PDE8B: variants seen among roughly 807,000 people sequenced by gnomAD.
PDE8B encodes the protein phosphodiesterase 8B, also known as high affinity cAMP-specific and IBMX-insensitive 3',5'-cyclic phosphodiesterase 8B.
In PDE8B, 26 loss-of-function variants were observed where a neutral mutation model predicts 101.3. The ratio of observed to expected loss-of-function variants is 0.26; its 90% CI spans 0.19 to 0.36. The LOEUF is 0.36. PDE8B is among the 10% of genes least tolerant of loss of function. The pLI, the probability that PDE8B is intolerant of heterozygous loss-of-function variation, is 1.00. For missense variants in PDE8B, 810 were observed against 1,163.1 expected (o/e 0.70, Z 4.42); for synonymous variants, 424 against 429.3 (o/e 0.99, Z 0.15).
chr5:77,162,043 T>C, the PDE8B span, among the ~76,000 whole-genome samples: 1 of 151,878 alleles, frequency 6.6e-6, no homozygotes, highest in Non-Finnish European at 1.5e-5. Flanking sequence ...TAAAAATAAA[T>C]AAATAAACTC....
chr5:77,265,959 G>C (rs2149735020), intron 1 of PDE8B, among the ~76,000 whole-genome samples: 1 of 152,294 alleles, frequency 6.6e-6, no homozygotes, highest in East Asian at 1.9e-4. Flanking sequence ...ACTGAAGAGA[G>C]AAGTGTCCTG....
At chr5:77,263,340 A>G (rs1761018204) in intron 1 of PDE8B, among the ~76,000 whole-genome samples, 1 of 152,228 alleles carries the variant, frequency 6.6e-6, no homozygotes, top group Non-Finnish European at 1.5e-5. Flanking sequence ...GTTGCAGGGC[A>G]CTTTCTCAGA....
At chr5:77,422,933 T>C (rs773792336) in intron 20 of PDE8B, among the ~76,000 whole-genome samples, 1 of 152,216 alleles carries the variant, frequency 6.6e-6, no homozygotes, top group Non-Finnish European at 1.5e-5. Context: ...ATATTGCTGA[T>C]GCTGAGGTTT....
intron 1 of PDE8B, among the ~76,000 whole-genome samples, chr5:77,257,319 G>A (rs980970048): frequency 1.3e-5 from 2 of 152,220 alleles, no homozygotes; most frequent in African/African-American, 2.4e-5. Flanking sequence ...ACTATATGCT[G>A]TCAACAAGAC....
intron 1 of PDE8B, among the ~76,000 whole-genome samples, chr5:77,222,951 A>G (rs1247784304): frequency 6.6e-6 from 1 of 152,182 alleles, no homozygotes; most frequent in Non-Finnish European, 1.5e-5. Flanking sequence ...GGTGGAGTTG[A>G]TGGCTGAGAA....
chr5:77,245,500 A>T (rs10037599), intron 1 of PDE8B, among the ~76,000 whole-genome samples: 48 of 152,054 alleles, frequency 3.2e-4, no homozygotes, highest in East Asian at 9.7e-4. Flanking sequence ...ATCGTACAGA[A>T]GACAAGGCCC....
chr5:77,104,315 A>G, the PDE8B span, among the ~76,000 whole-genome samples: 4 of 152,228 alleles, frequency 2.6e-5, no homozygotes, highest in African/African-American at 7.2e-5. Flanking sequence ...CCAGTGTGAC[A>G]ATGGGCAGTG....
chr5:77,190,359 C>T, the PDE8B span, among the ~76,000 whole-genome samples: 1 of 152,148 alleles, frequency 6.6e-6, no homozygotes, highest in Non-Finnish European at 1.5e-5. Context: ...ACTAAGATAG[C>T]TCTAAAGGAG....
intron 1 of PDE8B, chr5:77,291,923 C>A: frequency 1.2e-6 from 1 of 823,128 alleles, no homozygotes; most frequent in South Asian, 1.4e-5. Flanking sequence ...AGTGACTAAT[C>A]CCCCTATGAC....
At chr5:77,391,884 G>A (rs1360197444) in intron 10 of PDE8B, among the ~76,000 whole-genome samples, 1 of 152,114 alleles carries the variant, frequency 6.6e-6, no homozygotes, top group East Asian at 1.9e-4. Context: ...AAAATCACTT[G>A]TTTTTGTGTT....
the PDE8B span, among the ~76,000 whole-genome samples, chr5:77,111,736 A>G: frequency 6.6e-6 from 1 of 152,224 alleles, no homozygotes; most frequent in Non-Finnish European, 1.5e-5. Context: ...GTCCAAAACT[A>G]TTCAATGGTG....
intron 10 of PDE8B, among the ~76,000 whole-genome samples, chr5:77,398,283 T>C (rs1429939935): frequency 6.6e-6 from 1 of 151,534 alleles, no homozygotes; most frequent in Admixed American, 6.6e-5. Context: ...AAAAAAACCT[T>C]TTTCCTAATT....
chr5:77,306,767 C>G (rs1771316211), intron 1 of PDE8B, among the ~76,000 whole-genome samples: 4 of 152,198 alleles, frequency 2.6e-5, no homozygotes, highest in Admixed American at 2.0e-4. Flanking sequence ...CCAACCTGAA[C>G]TACCTTGATT....
chr5:77,291,391 A>C, intron 1 of PDE8B: 1 of 1,611,832 alleles, frequency 6.2e-7, no homozygotes. Flanking sequence ...AAGGTTATGG[A>C]TCGCCCTGGA....
intron 10 of PDE8B, among the ~76,000 whole-genome samples, chr5:77,369,013 G>C (rs947778373): frequency 3.3e-5 from 5 of 152,024 alleles, no homozygotes; most frequent in African/African-American, 1.2e-4. Context: ...GACCAGCCTG[G>C]CCAACATGGT....
chr5:77,278,505 T>C (rs954064401), intron 1 of PDE8B, among the ~76,000 whole-genome samples: 1 of 152,344 alleles, frequency 6.6e-6, no homozygotes, highest in South Asian at 2.1e-4. Context: ...AGTCTCACTC[T>C]GTCGCCCTGG....
At position 77,214,074 on chromosome 5, in the gene PDE8B, A is replaced by G. The variant is rs1452035146; in HGVS notation, c.339+2810A>G. The G allele has an allele frequency of 2.0e-5, 3 of 152,354 alleles. No individual in the cohort carries two copies. The East Asian group carries it at 5.8e-4, about 29-fold the overall frequency. The allele number at this position is 152,354 out of a possible 1,614,324, so 9.4% of individuals were successfully genotyped here. A position where few individuals can be genotyped will look rare whatever the true frequency, so the allele number is the denominator to read the frequency against. Reference sequence around the variant, plus strand: ...TTCCTTTTTGCTTGCCTTTTCAAAAATAGTACTCCAACAGGAGAATCCTGC... The same window carrying G: ...TTCCTTTTTGCTTGCCTTTTCAAAAGTAGTACTCCAACAGGAGAATCCTGC... On this transcript the variant is annotated intron_variant, in intron 1 of 21. Transcript: ENST00000264917.
chr5:77,152,133 T>C, the PDE8B span: 1 of 152,180 alleles, frequency 6.6e-6, no homozygotes, highest in Non-Finnish European at 1.5e-5. Context: ...CAGTAGGGAC[T>C]CAATGGATAT....
the PDE8B span, among the ~76,000 whole-genome samples, chr5:77,189,559 A>G: frequency 6.6e-6 from 1 of 152,116 alleles, no homozygotes; most frequent in Non-Finnish European, 1.5e-5. Context: ...TATTTGTGAA[A>G]TTTTTTGGAT....
Sources: allele counts gnomAD v4.1 joint callset (sites outside exome capture counted in the v4.1 genomes callset), GRCh38; gene constraint gnomAD v4.1.1; transcripts MANE v1.5; gene names NCBI Gene and HGNC (gene_info 2026-07-23, HGNC 2026-07-21).